The following KCNQ1OT1 variants were observed in gnomAD, a reference collection of about 807,000 sequenced individuals.
KCNQ1OT1 encodes the protein KCNQ1 opposite strand/antisense transcript 1.
rs1322921471 is a variant in KCNQ1OT1 at position 2,689,585 on chromosome 11, T to TG, written n.10409dup. ...TGATGTGGAAATCTGTTAGCAGTGGTGTCTTCTAGATTCTCAAGGATCCGG... is the reference window on the plus strand; with the variant it reads ...TGATGTGGAAATCTGTTAGCAGTGGTGGTCTTCTAGATTCTCAAGGATCCGG... On this transcript the variant is annotated non_coding_transcript_exon_variant, in exon 1 of 1. Coordinates refer to ENST00000597346, the Ensembl canonical transcript of KCNQ1OT1. 1.8e-5 allele frequency: 7 copies of TG among 398,570 alleles called. No homozygotes were observed. The Admixed American group carries it at 3.1e-4, about 18-fold the overall frequency. 24.7% of individuals were successfully genotyped at this position (398,570 alleles called of 1,614,324 possible).
In KCNQ1OT1 at chr11:2,668,796, T is replaced by C; in HGVS notation, n.31199A>G. On this transcript the variant is annotated non_coding_transcript_exon_variant, in exon 1 of 1. Coordinates refer to ENST00000597346, the Ensembl canonical transcript of KCNQ1OT1. This position sits in a 1 kb window ranked among gnomAD's most constrained non-coding sequence, Gnocchi z 4.3. ...GTGTCTTTTGATGAACAGAAGGTCT[T>C]AATTTTCATGTGGTCCAGTTAATCA... 2.5e-6 allele frequency: 1 copy of C among 398,644 alleles called. No homozygotes were observed. The highest frequency in any genetic ancestry group is 2.1e-5 in the African/African-American group (1 of 48,762). The allele number at this position is 398,644 out of a possible 1,614,324, so 24.7% of individuals were successfully genotyped here. A position where few individuals can be genotyped will look rare whatever the true frequency, so the allele number is the denominator to read the frequency against.
In KCNQ1OT1 at chr11:2,695,540, C is replaced by G. The variant is rs1284817542; in HGVS notation, n.4455G>C. 2.5e-6 allele frequency: 1 copy of G among 398,682 alleles called. No individual in the cohort carries two copies. The highest frequency in any genetic ancestry group is 4.4e-6 in the Non-Finnish European group (1 of 226,120). 24.7% of individuals were successfully genotyped at this position (398,682 alleles called of 1,614,324 possible). ...CAGTGACCAGCTCCAACTGCCCACC[C>G]CTATGGGCCATGCTGCCCTGAGCAT... On this transcript the variant is annotated non_coding_transcript_exon_variant, in exon 1 of 1. Transcript: ENST00000597346. This position sits in a 1 kb window ranked among gnomAD's most constrained non-coding sequence, Gnocchi z 5.2.
At chr11:2,692,678 T>C in exon 1 of KCNQ1OT1, 1 of 398,708 alleles carries the variant, frequency 2.5e-6, no homozygotes, top group Non-Finnish European at 4.4e-6. Context: ...CAACATTAGT[T>C]AGTCTTTCTC....
Position 2,673,433 on chromosome 11 carries a change from A to G in KCNQ1OT1, n.26562T>C, listed in dbSNP as rs955712419. ...CCTAGGCACCAGGCCTGGAGGTTCC[A>G]ACTTGGTGTTGGGCCTCCTTGAGCC... On this transcript the variant is annotated non_coding_transcript_exon_variant, in exon 1 of 1. Transcript: ENST00000597346. The surrounding 1 kb of genome is among the most constrained non-coding windows in gnomAD (Gnocchi z 4.5). 8 of 398,666 alleles carry G rather than the reference A, an allele frequency of 2.0e-5. No homozygotes were observed. The highest frequency in any genetic ancestry group is 1.6e-4 in the African/African-American group (8 of 48,764). The allele number at this position is 398,666 out of a possible 1,614,324, so 24.7% of individuals were successfully genotyped here.
chr11:2,627,122 C>G lies in KCNQ1OT1; in HGVS notation n.72873G>C, dbSNP rs371328795. ...GCATTGTTTTGTAATTTTCATTGTA[C>G]AAGACTTTCACCTCCTTGGTAAAGT... On this transcript the variant is annotated non_coding_transcript_exon_variant, in exon 1 of 1. Transcript: ENST00000597346. This position sits in a 1 kb window ranked among gnomAD's most constrained non-coding sequence, Gnocchi z 4.9. 2.5e-6 allele frequency: 1 copy of G among 398,418 alleles called. No individual in the cohort carries two copies. Among genetic ancestry groups the G allele is most frequent in the East Asian group, 3.6e-5 (1 of 28,052 alleles). 24.7% of individuals were successfully genotyped at this position (398,418 alleles called of 1,614,324 possible).
exon 1 of KCNQ1OT1, chr11:2,665,369 CA>C: frequency 2.5e-6 from 1 of 398,190 alleles, no homozygotes; most frequent in Non-Finnish European, 4.4e-6. Context: ...ACCCCCATGA[CA>C]AGAGGAGCCC....
Position 2,608,577 on chromosome 11 carries a change from G to C in KCNQ1OT1, n.91418C>G, listed in dbSNP as rs1413557123. 2.5e-6 allele frequency: 1 copy of C among 398,442 alleles called. No homozygotes were observed. The highest frequency in any genetic ancestry group is 4.4e-6 in the Non-Finnish European group (1 of 226,068). 24.7% of individuals were successfully genotyped at this position (398,442 alleles called of 1,614,324 possible). A position where few individuals can be genotyped will look rare whatever the true frequency, so the allele number is the denominator to read the frequency against. ...TGTAACCTCGATCTCCTAGTCTCAA[G>C]TGATCCTTGCCCCTTAGCCTATGAC... On this transcript the variant is annotated non_coding_transcript_exon_variant, in exon 1 of 1. Transcript: ENST00000597346. The surrounding 1 kb of genome is among the most constrained non-coding windows in gnomAD (Gnocchi z 4.6).
Position 2,653,780 on chromosome 11 carries a change from G to A in KCNQ1OT1, n.46215C>T. On this transcript the variant is annotated non_coding_transcript_exon_variant, in exon 1 of 1. Coordinates refer to ENST00000597346, the Ensembl canonical transcript of KCNQ1OT1. The surrounding 1 kb of genome is among the most constrained non-coding windows in gnomAD (Gnocchi z 5.3). ...TCAGCTGGGGTACAAGCCATCCTTG[G>A]ACCTGCAGCTGTACCTCCGATGGCT... 1 of 398,622 alleles carries A rather than the reference G, an allele frequency of 2.5e-6. No individual in the cohort carries two copies. Among genetic ancestry groups the A allele is most frequent in the Non-Finnish European group, 4.4e-6 (1 of 226,080 alleles). 24.7% of individuals were successfully genotyped at this position (398,622 alleles called of 1,614,324 possible). A position where few individuals can be genotyped will look rare whatever the true frequency, so the allele number is the denominator to read the frequency against.
In KCNQ1OT1 at chr11:2,620,221, T is replaced by TTTTTA. The variant is rs1564835907; in HGVS notation, n.79773_79774insTAAAA. Reference sequence around the variant, plus strand: ...CATGTATATATATATATTTTTTTTTTTTATTTTTTTTTTAGACGGAGTTTC... The same window carrying TTTTTA: ...CATGTATATATATATATTTTTTTTTTTTTTATTATTTTTTTTTTAGACGGAGTTTC... On this transcript the variant is annotated non_coding_transcript_exon_variant, in exon 1 of 1. Transcript: ENST00000597346. This position sits in a 1 kb window ranked among gnomAD's most constrained non-coding sequence, Gnocchi z 4.5. 1.8e-5 allele frequency: 5 copies of TTTTTA among 280,188 alleles called. No homozygotes were observed. The highest frequency in any genetic ancestry group is 5.2e-5 in the Admixed American group (1 of 19,196). The allele number at this position is 280,188 out of a possible 1,614,324, so 17.4% of individuals were successfully genotyped here. A position where few individuals can be genotyped will look rare whatever the true frequency, so the allele number is the denominator to read the frequency against.
chr11:2,622,985 C>T (rs1016216331), exon 1 of KCNQ1OT1: 2 of 398,416 alleles, frequency 5.0e-6, no homozygotes, highest in African/African-American at 4.1e-5. Context: ...GCTCTGTGTT[C>T]CCACCCAAAT....
In KCNQ1OT1 at chr11:2,674,350, G is replaced by A. The variant is rs532746310; in HGVS notation, n.25645C>T. On this transcript the variant is annotated non_coding_transcript_exon_variant, in exon 1 of 1. Coordinates refer to ENST00000597346, the Ensembl canonical transcript of KCNQ1OT1. The surrounding 1 kb of genome is among the most constrained non-coding windows in gnomAD (Gnocchi z 5.9). ...CCCTCTGGAAATCTGAATTCCATTC[G>A]CTCTTGGCAAAGAGCAGCTTCCTGC... 9.0e-5 allele frequency: 36 copies of A among 398,278 alleles called. No individual in the cohort carries two copies. The highest frequency in any genetic ancestry group is 7.6e-4 in the South Asian group (6 of 7,854). The allele number at this position is 398,278 out of a possible 1,614,324, so 24.7% of individuals were successfully genotyped here.
In KCNQ1OT1 at chr11:2,620,593, A is replaced by T. The variant is rs1273362595; in HGVS notation, n.79402T>A. On this transcript the variant is annotated non_coding_transcript_exon_variant, in exon 1 of 1. Transcript: ENST00000597346. This position sits in a 1 kb window ranked among gnomAD's most constrained non-coding sequence, Gnocchi z 4.5. ...ATTTTCTTTATCCAATCCACCACTG[A>T]TGGGCATCTAAGTGGATTCCATGTC... 7.5e-6 allele frequency: 3 copies of T among 397,396 alleles called. No individual in the cohort carries two copies. The highest frequency in any genetic ancestry group is 6.2e-5 in the African/African-American group (3 of 48,598). 24.6% of individuals were successfully genotyped at this position (397,396 alleles called of 1,614,324 possible).
Position 2,633,961 on chromosome 11 carries a change from A to G in KCNQ1OT1, n.66034T>C, listed in dbSNP as rs562519737. The G allele has an allele frequency of 1.8e-5, 7 of 398,592 alleles. No homozygotes were observed. In the East Asian group the frequency reaches 2.5e-4, roughly 14 times the overall value. 24.7% of individuals were successfully genotyped at this position (398,592 alleles called of 1,614,324 possible). On this transcript the variant is annotated non_coding_transcript_exon_variant, in exon 1 of 1. Coordinates refer to ENST00000597346, the Ensembl canonical transcript of KCNQ1OT1. ...GGAAAATCCACGTATAAATGAACCT[A>G]TACAGTTCAAATCTATGTTGTTGAA...
In KCNQ1OT1 at chr11:2,612,424, A is replaced by G. The variant is rs76600584; in HGVS notation, n.87571T>C. The G allele has an allele frequency of 0.018, 7,308 of 398,308 alleles. 293 individuals are homozygous for G. Among genetic ancestry groups the G allele is most frequent in the East Asian group, 0.11 (3,095 of 28,052 alleles). 24.7% of individuals were successfully genotyped at this position (398,308 alleles called of 1,614,324 possible). A position where few individuals can be genotyped will look rare whatever the true frequency, so the allele number is the denominator to read the frequency against. On this transcript the variant is annotated non_coding_transcript_exon_variant, in exon 1 of 1. Coordinates refer to ENST00000597346, the Ensembl canonical transcript of KCNQ1OT1. The surrounding 1 kb of genome is among the most constrained non-coding windows in gnomAD (Gnocchi z 5.5). ...TATGGTATCCAATGGGTATCTCTTCATTTTTCTTCATTATTTTTCTTTCTA... is the reference window on the plus strand; with the variant it reads ...TATGGTATCCAATGGGTATCTCTTCGTTTTTCTTCATTATTTTTCTTTCTA...
chr11:2,656,849 A>G (rs1055525788), exon 1 of KCNQ1OT1: 52 of 398,494 alleles, frequency 1.3e-4, no homozygotes, highest in African/African-American at 1.0e-3. Context: ...TATGCTTTTC[A>G]TAGTTAGGTC....
chr11:2,627,289 A>C lies in KCNQ1OT1; in HGVS notation n.72706T>G, dbSNP rs10832405. ...AATCAAGCCAATTAACATATACCTT[A>C]CATAGTTGCCATGTGTGTGCGTGTG... On this transcript the variant is annotated non_coding_transcript_exon_variant, in exon 1 of 1. Coordinates refer to ENST00000597346, the Ensembl canonical transcript of KCNQ1OT1. This position sits in a 1 kb window ranked among gnomAD's most constrained non-coding sequence, Gnocchi z 4.9. 354,975 of 398,436 alleles carry C rather than the reference A, an allele frequency of 0.89. 158,279 individuals are homozygous for C. The highest frequency in any genetic ancestry group is 0.91 in the East Asian group (25,652 of 28,058). The allele number at this position is 398,436 out of a possible 1,614,324, so 24.7% of individuals were successfully genotyped here.
exon 1 of KCNQ1OT1, chr11:2,688,209 G>A: frequency 2.5e-6 from 1 of 398,754 alleles, no homozygotes; most frequent in Non-Finnish European, 4.4e-6. Context: ...GCTGCACTGA[G>A]CCCACCAAAG....
chr11:2,688,825 AAG>A (rs1850541176), exon 1 of KCNQ1OT1: 5 of 398,740 alleles, frequency 1.3e-5, no homozygotes, highest in Admixed American at 8.8e-5. Context: ...CCATCCCACA[AAG>A]AGAGATGGCA....
At chr11:2,633,349 CCTTTT>C (rs1458970383) in exon 1 of KCNQ1OT1, 2 of 398,416 alleles carry the variant, frequency 5.0e-6, no homozygotes, top group Non-Finnish European at 8.9e-6. Context: ...TTTATTATTT[CCTTTT>C]ATGTGTAGGT....
Sources: gnomAD v4.1 joint callset for allele counts on GRCh38, gnomAD v4.1.1 for gene constraint, Gnocchi (gnomAD v3.1) non-coding constraint, MANE v1.5 for transcripts, NCBI Gene and HGNC (gene_info 2026-07-23, HGNC 2026-07-21) for gene names.